Variants in DACH2 observed in about 807,000 individuals in gnomAD.
The protein encoded by DACH2 is dachshund family transcription factor 2.
Under a neutral mutation model 35.8 loss-of-function variants are expected in DACH2, and 17 were observed. The observed-to-expected ratio is 0.48, with a 90% CI of 0.33 to 0.71. The LOEUF is 0.71. Ranked by LOEUF, DACH2 falls within the 30% of genes least tolerant of loss-of-function variation. The probability of loss-of-function intolerance (pLI) is 0.02; values close to 1 mark genes in which losing one functional copy is unlikely to be tolerated. For missense variants in DACH2, 469 were observed against 472.7 expected (o/e 0.99, Z 0.07); for synonymous variants, 195 against 177.3 (o/e 1.10, Z -0.79).
At chrX:86,152,085 A>G (rs1239266144) in intron 1 of DACH2, among the ~76,000 whole-genome samples, 1 of 112,070 alleles carries the variant, frequency 8.9e-6, no homozygotes. Flanking sequence ...TGTTTAGCGA[A>G]TAGAAACTCT....
intron 1 of DACH2, among the ~76,000 whole-genome samples, chrX:86,179,588 G>A (rs1421882006): frequency 8.9e-6 from 1 of 111,762 alleles, no homozygotes; most frequent in Non-Finnish European, 1.9e-5. Context: ...TCATCTATTG[G>A]CAGGAAATAT....
At chrX:86,409,466 C>A (rs2036576808) in intron 2 of DACH2, among the ~76,000 whole-genome samples, 1 of 111,058 alleles carries the variant, frequency 9.0e-6, no homozygotes, top group Middle Eastern at 4.7e-3. Context: ...GGTTTAGCAC[C>A]ATTCCTTGGT....
chrX:86,682,281 C>T (rs2040889492), intron 4 of DACH2, among the ~76,000 whole-genome samples: 1 of 112,048 alleles, frequency 8.9e-6, no homozygotes, highest in African/African-American at 3.2e-5. Flanking sequence ...GTTAAAAGCA[C>T]TTATATGCCT....
At chrX:86,481,064 G>T (rs2037928447) in intron 2 of DACH2, 1 of 111,993 alleles carries the variant, frequency 8.9e-6, no homozygotes, top group Non-Finnish European at 1.9e-5. Flanking sequence ...AAATTGCAGT[G>T]ATACAGAGAA....
chrX:86,436,840 G>A (rs2037075644), intron 2 of DACH2, among the ~76,000 whole-genome samples: 1 of 111,702 alleles, frequency 9.0e-6, no homozygotes, highest in Admixed American at 9.5e-5. Flanking sequence ...TTTTCAAAGT[G>A]TCTACTTCTT....
At chrX:86,311,249 G>A (rs147244063) in intron 1 of DACH2, among the ~76,000 whole-genome samples, 2,869 of 111,835 alleles carry the variant, frequency 0.026, 49 homozygotes, top group Non-Finnish European at 0.04. Context: ...ATGGACTCAC[G>A]GAATGCCTTA....
At chrX:86,740,640 G>T (rs1056120409) in intron 7 of DACH2, among the ~76,000 whole-genome samples, 7 of 107,511 alleles carry the variant, frequency 6.5e-5, no homozygotes, top group Admixed American at 1.0e-4. Flanking sequence ...TCCAGAAATT[G>T]GTTGTGATGT....
intron 1 of DACH2, among the ~76,000 whole-genome samples, chrX:86,332,179 C>T (rs919835835): frequency 9.0e-6 from 1 of 111,179 alleles, no homozygotes; most frequent in African/African-American, 3.3e-5. Flanking sequence ...ATTTTTATGG[C>T]ATGTTGATAT....
intron 7 of DACH2, among the ~76,000 whole-genome samples, chrX:86,784,985 G>T (rs1318857051): frequency 3.6e-5 from 4 of 110,862 alleles, no homozygotes; most frequent in East Asian, 5.7e-4. Context: ...AGAGGGTGGA[G>T]GGTGGGAGGA....
chrX:86,294,069 T>C (rs371318382), intron 1 of DACH2, among the ~76,000 whole-genome samples: 44 of 111,778 alleles, frequency 3.9e-4, no homozygotes, highest in Admixed American at 2.5e-3. Flanking sequence ...ACCAATCAGA[T>C]GTAGATTTGG....
chrX:86,683,934 G>A (rs1283635979), intron 4 of DACH2, among the ~76,000 whole-genome samples: 1 of 111,085 alleles, frequency 9.0e-6, no homozygotes, highest in East Asian at 2.8e-4. Context: ...TCAACATCAG[G>A]TCTGTCTGAT....
At chrX:86,424,313 T>C (rs1569393896) in intron 2 of DACH2, among the ~76,000 whole-genome samples, 1 of 111,425 alleles carries the variant, frequency 9.0e-6, no homozygotes, top group Admixed American at 9.6e-5. Flanking sequence ...TTCCAATCCA[T>C]GAAAATGAAA....
In DACH2 at chrX:86,281,809, G is replaced by T. The variant is rs984302264; in HGVS notation, c.489-95015G>T. On this transcript the variant is annotated intron_variant, in intron 1 of 11. Transcript: ENST00000373125. ...ATAAGCAACTTCAGCAAAGTCTCAG[G>T]ATACAAAATCAATGTGCAAAAAGCA... is the stretch of plus-strand genomic sequence containing the variant. Among the ~76,000 whole-genome samples the T allele has an allele frequency of 5.4e-5, 6 of 111,993 alleles. No individual in the cohort carries two copies. The East Asian group carries it at 1.1e-3, about 21-fold the overall frequency.
intron 9 of DACH2, 49 bp from the exon 10 acceptor site, chrX:86,814,639 A>T: frequency 8.7e-7 from 1 of 1,147,653 alleles, no homozygotes. Flanking sequence ...CAAAACTGGC[A>T]TCCCTATTTC....
At chrX:86,402,714 C>G (rs2036455677) in intron 2 of DACH2, among the ~76,000 whole-genome samples, 1 of 111,232 alleles carries the variant, frequency 9.0e-6, no homozygotes, top group African/African-American at 3.3e-5. Flanking sequence ...AAAAAGAGCC[C>G]AAATAGTCAA....
chrX:86,316,565 T>C (rs1273841998), intron 1 of DACH2, among the ~76,000 whole-genome samples: 2 of 111,731 alleles, frequency 1.8e-5, no homozygotes, highest in Admixed American at 9.6e-5. Context: ...AATTTCTTTC[T>C]ATCTTCTACA....
chrX:86,227,597 A>G, intron 1 of DACH2, among the ~76,000 whole-genome samples: 1 of 105,462 alleles, frequency 9.5e-6, no homozygotes, highest in East Asian at 2.9e-4. Context: ...TGGCATTCAC[A>G]CCTCTGTTAA....
At chrX:86,399,216 T>C (rs1162169106) in intron 2 of DACH2, among the ~76,000 whole-genome samples, 1 of 111,788 alleles carries the variant, frequency 8.9e-6, no homozygotes, top group Non-Finnish European at 1.9e-5. Context: ...CTGCCTTTTT[T>C]TGTTTTCCAT....
chrX:86,416,169 T>C (rs895068285), intron 2 of DACH2, among the ~76,000 whole-genome samples: 1 of 112,416 alleles, frequency 8.9e-6, no homozygotes, highest in Non-Finnish European at 1.9e-5. Context: ...TCTTCTTTTG[T>C]ATCTGAAATT....
Sources: allele counts gnomAD v4.1 joint callset (sites outside exome capture counted in the v4.1 genomes callset), GRCh38; gene constraint gnomAD v4.1.1; transcripts MANE v1.5; gene names NCBI Gene and HGNC (gene_info 2026-07-23, HGNC 2026-07-21).